EMP2: variants seen among roughly 807,000 people sequenced by gnomAD.
EMP2 encodes the protein epithelial membrane protein 2.
A neutral mutation model predicts 13.7 loss-of-function variants in EMP2; 19 were observed. The ratio of observed to expected loss-of-function variants is 1.38; its 90% CI spans 0.97 to 2.03. The LOEUF (loss-of-function observed/expected upper bound fraction) is 2.03, where lower values mean the gene tolerates loss of function less well. Among genes scored for constraint, EMP2 ranks in the 30% most tolerant of loss-of-function variants. The pLI is 0.00. For missense variants in EMP2, 253 were observed against 220.7 expected, an observed-to-expected ratio of 1.15 and a Z score of -0.93; for synonymous variants, 97 against 84.7, an observed-to-expected ratio of 1.15 and a Z score of -0.80.
Position 10,531,704 on chromosome 16 carries a change from T to C in EMP2, c.*1201A>G, listed in dbSNP as rs1291895371. On this transcript the variant is annotated 3_prime_UTR_variant, in exon 5 of 5. Transcript: ENST00000359543. ...CTAGGAGGAGATTGTCTCTAGAGGGTATCCCCTGTGCCTGGCACATGCATG... is the reference window on the plus strand; with the variant it reads ...CTAGGAGGAGATTGTCTCTAGAGGGCATCCCCTGTGCCTGGCACATGCATG... 1 of 152,826 alleles carries C rather than the reference T, an allele frequency of 6.5e-6. No homozygotes were observed. Among genetic ancestry groups the C allele is most frequent in the East Asian group, 1.9e-4 (1 of 5,198 alleles). The allele number at this position is 152,826 out of a possible 1,614,324, so 9.5% of individuals were successfully genotyped here.
intron 1 of EMP2, among the ~76,000 whole-genome samples, chr16:10,572,750 G>A (rs754461198): frequency 1.1e-4 from 17 of 152,202 alleles, no homozygotes; most frequent in South Asian, 4.2e-4. Context: ...GTAGCACCCC[G>A]CAATCCAATT....
intron 1 of EMP2, among the ~76,000 whole-genome samples, chr16:10,560,867 G>T (rs912430011): frequency 6.6e-6 from 1 of 152,204 alleles, no homozygotes; most frequent in Non-Finnish European, 1.5e-5. Flanking sequence ...GATGGACCAG[G>T]ACTCTCCACT....
intron 1 of EMP2, among the ~76,000 whole-genome samples, chr16:10,549,819 G>A (rs1024576571): frequency 6.7e-6 from 1 of 148,476 alleles, no homozygotes; most frequent in Non-Finnish European, 1.5e-5. Context: ...GTGCTTTAGT[G>A]TGTATTTCTG....
chr16:10,535,923 C>T (rs1276027147), intron 4 of EMP2, among the ~76,000 whole-genome samples: 2 of 152,168 alleles, frequency 1.3e-5, no homozygotes, highest in African/African-American at 4.8e-5. Context: ...GGCTCAGGGA[C>T]AGGAGTACAA....
At chr16:10,547,895 C>T (rs559443627) in intron 1 of EMP2, among the ~76,000 whole-genome samples, 10 of 151,996 alleles carry the variant, frequency 6.6e-5, no homozygotes, top group East Asian at 1.9e-4. Context: ...ATTAGCTGGG[C>T]GTGGTCGTCA....
chr16:10,554,744 A>G (rs2050814742), intron 1 of EMP2, among the ~76,000 whole-genome samples: 1 of 152,068 alleles, frequency 6.6e-6, no homozygotes, highest in Admixed American at 6.6e-5. Context: ...CTGCTGCTTT[A>G]GGGGAACTAG....
Position 10,538,128 on chromosome 16 carries a change from T to C in EMP2, c.170-54A>G, listed in dbSNP as rs1504884. The C allele has an allele frequency of 0.8, 1,285,104 of 1,600,788 alleles. 516,876 individuals are homozygous for C. Among genetic ancestry groups the C allele is most frequent in the South Asian group, 0.85 (76,644 of 90,286 alleles). ...TGAGGACCTTGGCCAGCCGGCACTG[T>C]GGGGTACACAGCGACCGCAGCAGCT... On this transcript the variant is annotated intron_variant, in intron 3 of 4. Coordinates refer to ENST00000359543, the MANE Select transcript of EMP2 (RefSeq NM_001424.6).
chr16:10,549,362 C>G (rs1401042504), intron 1 of EMP2, among the ~76,000 whole-genome samples: 2 of 152,112 alleles, frequency 1.3e-5, no homozygotes, highest in African/African-American at 4.8e-5. Flanking sequence ...TGGAGAAGTT[C>G]CCAATAAATG....
intron 1 of EMP2, among the ~76,000 whole-genome samples, chr16:10,573,774 CT>C (rs1419627645): frequency 1.3e-5 from 2 of 152,150 alleles, no homozygotes; most frequent in African/African-American, 4.8e-5. Context: ...GACATTGTTC[CT>C]CGTATAAACA....
At chr16:10,557,399 T>C (rs2050838983) in intron 1 of EMP2, among the ~76,000 whole-genome samples, 2 of 151,152 alleles carry the variant, frequency 1.3e-5, no homozygotes, top group Non-Finnish European at 2.9e-5. Context: ...AAAAACCCCA[T>C]GCTTTAGGCT....
At chr16:10,565,396 G>T (rs1164973655) in intron 1 of EMP2, among the ~76,000 whole-genome samples, 1 of 152,136 alleles carries the variant, frequency 6.6e-6, no homozygotes, top group Non-Finnish European at 1.5e-5. Context: ...AGAACAAAAG[G>T]CTGACTTCCT....
At chr16:10,567,019 T>C (rs1387584263) in intron 1 of EMP2, among the ~76,000 whole-genome samples, 1 of 152,246 alleles carries the variant, frequency 6.6e-6, no homozygotes, top group Non-Finnish European at 1.5e-5. Flanking sequence ...CTTCTCTTCA[T>C]TCAGCCCCAA....
intron 1 of EMP2, among the ~76,000 whole-genome samples, chr16:10,570,380 C>T (rs145367336): frequency 8.5e-5 from 13 of 152,134 alleles, no homozygotes; most frequent in African/African-American, 2.4e-4. Context: ...TGCACACCAC[C>T]ACACCCAGCT....
chr16:10,549,016 C>T (rs1055078020), intron 1 of EMP2, among the ~76,000 whole-genome samples: 4 of 152,160 alleles, frequency 2.6e-5, no homozygotes, highest in South Asian at 2.1e-4. Context: ...TGGCCATTTC[C>T]GGGCTGATGC....
At chr16:10,534,219 G>C (rs1420638023) in intron 4 of EMP2, among the ~76,000 whole-genome samples, 2 of 152,048 alleles carry the variant, frequency 1.3e-5, no homozygotes, top group African/African-American at 2.4e-5. Flanking sequence ...AAATATTGTC[G>C]GGGCAGGATG....
chr16:10,558,421 C>T (rs1245895483), intron 1 of EMP2, among the ~76,000 whole-genome samples: 3 of 152,132 alleles, frequency 2.0e-5, no homozygotes, highest in Non-Finnish European at 4.4e-5. Flanking sequence ...GACATCTCCT[C>T]GCTGTTTCCT....
At position 10,532,891 on chromosome 16, in the gene EMP2, C is replaced by T. The variant is rs775906258; in HGVS notation, c.*14G>A. ...GATTCTGTACTGCAGCAGAAGCAAC[C>T]CAGCTCCGGAACTCTATTTGCGCTT... On this transcript the variant is annotated 3_prime_UTR_variant, in exon 5 of 5. Transcript: ENST00000359543. 10 of 1,452,744 alleles carry T rather than the reference C, an allele frequency of 6.9e-6. No individual in the cohort carries two copies. The highest frequency in any genetic ancestry group is 9.1e-6 in the Non-Finnish European group (10 of 1,093,022). The allele number at this position is 1,452,744 out of a possible 1,614,324, so 90.0% of individuals were successfully genotyped here. A position where few individuals can be genotyped will look rare whatever the true frequency, so the allele number is the denominator to read the frequency against.
chr16:10,547,719 C>T, intron 1 of EMP2, 42 bp from the exon 2 acceptor site: 1 of 1,184,058 alleles, frequency 8.4e-7, no homozygotes, highest in Non-Finnish European at 1.2e-6. Flanking sequence ...CTGTCAATGA[C>T]AAAACAAAAT....
At chr16:10,566,339 C>A (rs995193205) in intron 1 of EMP2, among the ~76,000 whole-genome samples, 1 of 152,146 alleles carries the variant, frequency 6.6e-6, no homozygotes, top group Non-Finnish European at 1.5e-5. Context: ...AAAACAAATA[C>A]CCCCTGCCCC....
Sources: gnomAD v4.1 joint callset for allele counts (sites outside exome capture counted in the v4.1 genomes callset) on GRCh38, gnomAD v4.1.1 for gene constraint, MANE v1.5 for transcripts, NCBI Gene and HGNC (gene_info 2026-07-23, HGNC 2026-07-21) for gene names.